The following CPQ variants were observed in gnomAD, a reference collection of about 807,000 sequenced individuals.
CPQ encodes carboxypeptidase Q.
Under a neutral mutation model 45.7 loss-of-function variants are expected in CPQ, and 37 were observed. The ratio of observed to expected loss-of-function variants is 0.81; its 90% CI spans 0.62 to 1.07. The LOEUF (loss-of-function observed/expected upper bound fraction) is 1.07. Ranked by LOEUF, CPQ falls within the 50% of genes least tolerant of loss-of-function variation. CPQ has a pLI of 0.00. For missense variants in CPQ, 537 were observed against 572.9 expected (o/e 0.94, Z 0.64); for synonymous variants, 186 against 205.8 (o/e 0.90, Z 0.82).
At chr8:96,784,764 G>T in intron 1 of CPQ, 100 bp from the exon 2 acceptor site, 1 of 811,160 alleles carries the variant, frequency 1.2e-6, no homozygotes, top group South Asian at 1.8e-5. Context: ...CAGTGGTTGG[G>T]AAGGGAAGGG....
At chr8:96,705,585 C>A (rs1809521849) in intron 1 of CPQ, among the ~76,000 whole-genome samples, 1 of 152,146 alleles carries the variant, frequency 6.6e-6, no homozygotes, top group Non-Finnish European at 1.5e-5. Context: ...GCTCCTACCC[C>A]TAGACCTGTG....
chr8:96,975,349 T>C (rs1460083475), intron 5 of CPQ, among the ~76,000 whole-genome samples: 2 of 151,646 alleles, frequency 1.3e-5, no homozygotes, highest in Non-Finnish European at 2.9e-5. Flanking sequence ...TAAAAAAAAT[T>C]CCAAACAAAA....
chr8:96,767,635 C>CTTTTT lies in CPQ; in HGVS notation c.-34-17207_-34-17203dup, dbSNP rs1172189500. Among the ~76,000 whole-genome samples the CTTTTT allele has an allele frequency of 5.1e-5, 2 of 39,314 alleles. 1 individual carries two copies. The highest frequency in any genetic ancestry group is 2.2e-4 in the African/African-American group (2 of 9,074). 25.8% of individuals were successfully genotyped at this position (39,314 alleles called of 152,430 possible). A position where few individuals can be genotyped will look rare whatever the true frequency, so the allele number is the denominator to read the frequency against. On this transcript the variant is annotated intron_variant, in intron 1 of 7. Coordinates refer to ENST00000220763, the MANE Select transcript of CPQ (RefSeq NM_016134.4). ...AATCCCTTTCAGCTGGTTACCTATG[C>CTTTTT]TTTTTTTTTTTTTTTTTTTTTTTTT... is the stretch of plus-strand genomic sequence containing the variant.
intron 2 of CPQ, among the ~76,000 whole-genome samples, chr8:96,798,739 A>G (rs1810967510): frequency 6.6e-6 from 1 of 151,910 alleles, no homozygotes; most frequent in Non-Finnish European, 1.5e-5. Flanking sequence ...TGGAACCCCA[A>G]CCTAAATAAA....
intron 5 of CPQ, among the ~76,000 whole-genome samples, chr8:97,000,999 C>T (rs1809270652): frequency 1.3e-5 from 2 of 151,920 alleles, no homozygotes; most frequent in Admixed American, 1.3e-4. Context: ...CTTTTTGTGG[C>T]AATTGTGAAT....
At chr8:97,095,125 T>C (rs1379324479) in intron 7 of CPQ, among the ~76,000 whole-genome samples, 1 of 152,166 alleles carries the variant, frequency 6.6e-6, no homozygotes, top group African/African-American at 2.4e-5. Flanking sequence ...CCTTGGACTC[T>C]ATTTATTCAG....
chr8:96,646,098 G>C (rs905335833), intron 1 of CPQ, among the ~76,000 whole-genome samples: 4 of 150,934 alleles, frequency 2.7e-5, no homozygotes, highest in African/African-American at 9.8e-5. Context: ...CAGTGGAGAC[G>C]CAGGCTTACA....
chr8:96,801,922 A>C (rs1811011359), intron 2 of CPQ, among the ~76,000 whole-genome samples: 1 of 152,216 alleles, frequency 6.6e-6, no homozygotes, highest in Non-Finnish European at 1.5e-5. Context: ...GTCAATAATT[A>C]ATAGGTTATA....
chr8:96,727,618 CTCCCTGACTTCCAGAT>C (rs561103266), intron 1 of CPQ, among the ~76,000 whole-genome samples: 1 of 152,302 alleles, frequency 6.6e-6, no homozygotes, highest in South Asian at 2.1e-4. Context: ...ACTCTTAGGC[CTCCCTGACTTCCAGAT>C]TCCGGATTTT....
chr8:97,075,424 G>C (rs986101731), intron 7 of CPQ, among the ~76,000 whole-genome samples: 2 of 151,930 alleles, frequency 1.3e-5, no homozygotes, highest in African/African-American at 4.8e-5. Context: ...TTAATCAATG[G>C]GTAGCTACAG....
At chr8:96,971,287 A>G (rs1487146187) in intron 5 of CPQ, among the ~76,000 whole-genome samples, 6 of 152,238 alleles carry the variant, frequency 3.9e-5, no homozygotes, top group African/African-American at 1.2e-4. Flanking sequence ...GATAGAGCCT[A>G]TTGTTGTGTC....
intron 3 of CPQ, among the ~76,000 whole-genome samples, chr8:96,854,462 C>T (rs562436340): frequency 6.3e-5 from 8 of 126,934 alleles, no homozygotes; most frequent in South Asian, 5.5e-4. Flanking sequence ...ACCCGGGAGG[C>T]GGAGCTTGCA....
intron 1 of CPQ, among the ~76,000 whole-genome samples, chr8:96,655,751 G>T (rs1815630512): frequency 1.3e-5 from 2 of 152,170 alleles, no homozygotes; most frequent in Admixed American, 1.3e-4. Flanking sequence ...AAGTGCAGAT[G>T]CTCCTTGACT....
rs576764222 is a variant in CPQ at position 96,724,525 on chromosome 8, A to C, written c.-34-60339A>C. The stretch of plus-strand genomic sequence containing the variant: ...CACACACACACACACACACACACAC[A>C]CCCCTAGGAATACATCTAACAAAGG... On this transcript the variant is annotated intron_variant, in intron 1 of 7. Coordinates refer to ENST00000220763, the MANE Select transcript of CPQ (RefSeq NM_016134.4). Among the ~76,000 whole-genome samples the C allele has an allele frequency of 1.3e-3, 183 of 142,792 alleles. 1 individual carries two copies. The highest frequency in any genetic ancestry group is 4.7e-3 in the South Asian group (21 of 4,508). 93.7% of individuals were successfully genotyped at this position (142,792 alleles called of 152,430 possible). A position where few individuals can be genotyped will look rare whatever the true frequency, so the allele number is the denominator to read the frequency against.
At chr8:97,110,633 C>T (rs189443032) in intron 7 of CPQ, among the ~76,000 whole-genome samples, 36 of 152,314 alleles carry the variant, frequency 2.4e-4, no homozygotes, top group Middle Eastern at 3.4e-3. Context: ...TCCCCTACTT[C>T]TGTGTCCTCC....
chr8:96,761,919 A>G (rs1036637507), intron 1 of CPQ, among the ~76,000 whole-genome samples: 4 of 152,218 alleles, frequency 2.6e-5, no homozygotes, highest in Admixed American at 6.5e-5. Context: ...CATAGCAAAT[A>G]TAACTAGCTT....
At chr8:96,812,486 G>C (rs572617348) in intron 2 of CPQ, among the ~76,000 whole-genome samples, 7 of 152,208 alleles carry the variant, frequency 4.6e-5, no homozygotes, top group South Asian at 2.1e-4. Flanking sequence ...TTTTCTTTTT[G>C]AAAGTAATTG....
Position 96,759,768 on chromosome 8 carries a change from A to G in CPQ, c.-34-25096A>G, listed in dbSNP as rs189028131. ...ACTAGGAGCCATGTCCTCAGCTAGT[A>G]TGGCAAGGGCATGCTCCCTATCACT... is the stretch of plus-strand genomic sequence containing the variant. On this transcript the variant is annotated intron_variant, in intron 1 of 7. Coordinates refer to ENST00000220763, the MANE Select transcript of CPQ (RefSeq NM_016134.4). Among the ~76,000 whole-genome samples the G allele has an allele frequency of 5.9e-5, 9 of 152,320 alleles. No homozygotes were observed. The East Asian group carries it at 1.7e-3, about 29-fold the overall frequency.
intron 7 of CPQ, among the ~76,000 whole-genome samples, chr8:97,118,783 T>C (rs746970376): frequency 7.2e-5 from 11 of 152,258 alleles, no homozygotes; most frequent in South Asian, 2.1e-4. Flanking sequence ...ATGTTATATA[T>C]AGGTACACAC....
Sources: allele counts gnomAD v4.1 joint callset (sites outside exome capture counted in the v4.1 genomes callset), GRCh38; gene constraint gnomAD v4.1.1; transcripts MANE v1.5; gene names NCBI Gene and HGNC (gene_info 2026-07-23, HGNC 2026-07-21).